PPA2: variants seen among roughly 807,000 people sequenced by gnomAD.
PPA2 encodes the protein inorganic pyrophosphatase 2, mitochondrial.
In PPA2, 48 loss-of-function variants were observed where a neutral mutation model predicts 49.5. The observed-to-expected ratio is 0.97, with a 90% CI of 0.77 to 1.23. The LOEUF (loss-of-function observed/expected upper bound fraction) is 1.23. Among genes scored for constraint, PPA2 ranks in the 50% most tolerant of loss-of-function variants. The probability of loss-of-function intolerance (pLI) is 0.00; values close to 1 mark genes in which losing one functional copy is unlikely to be tolerated. For missense variants in PPA2, 429 were observed against 410.1 expected (o/e 1.05, Z -0.40); for synonymous variants, 131 against 139.9 (o/e 0.94, Z 0.45).
intron 6 of PPA2, among the ~76,000 whole-genome samples, chr4:105,437,234 T>A (rs969966752): frequency 9.0e-5 from 13 of 144,482 alleles, no homozygotes; most frequent in Non-Finnish European, 1.8e-4. Context: ...TTAAACCACA[T>A]TGAAAGTTTT....
intron 2 of PPA2, 74 bp downstream of exon 2, chr4:105,456,607 G>A (rs1274746524): frequency 2.4e-6 from 3 of 1,260,192 alleles, no homozygotes; most frequent in African/African-American, 3.0e-5. Flanking sequence ...TTCCTTTCAA[G>A]GTGCTTCCAA....
intron 5 of PPA2, among the ~76,000 whole-genome samples, chr4:105,438,444 A>T (rs1471921518): frequency 6.6e-6 from 1 of 152,210 alleles, no homozygotes; most frequent in Non-Finnish European, 1.5e-5. Context: ...CGGTAACAGC[A>T]CATGGATCTA....
chr4:105,392,868 C>G (rs977368259), intron 9 of PPA2, among the ~76,000 whole-genome samples: 2 of 152,010 alleles, frequency 1.3e-5, no homozygotes, highest in African/African-American at 4.8e-5. Context: ...TAGTAACTGA[C>G]AGATGTAATG....
At chr4:105,394,585 T>C (rs1003556431) in intron 9 of PPA2, among the ~76,000 whole-genome samples, 1 of 152,136 alleles carries the variant, frequency 6.6e-6, no homozygotes, top group Non-Finnish European at 1.5e-5. Flanking sequence ...GAACATAGTA[T>C]AGAGTTAATA....
At chr4:105,386,054 T>A (rs557047429) in intron 10 of PPA2, among the ~76,000 whole-genome samples, 53 of 152,078 alleles carry the variant, frequency 3.5e-4, no homozygotes, top group Middle Eastern at 3.4e-3. Flanking sequence ...TAATTTTTTA[T>A]ATTTTTAGTA....
intron 3 of PPA2, among the ~76,000 whole-genome samples, chr4:105,450,887 G>A (rs543620870): frequency 6.6e-6 from 1 of 152,114 alleles, no homozygotes; most frequent in Admixed American, 6.5e-5. Flanking sequence ...GATTACAGGC[G>A]TGAGCCACCG....
At chr4:105,458,114 C>A (rs1368378892) in intron 1 of PPA2, among the ~76,000 whole-genome samples, 1 of 152,096 alleles carries the variant, frequency 6.6e-6, no homozygotes. Context: ...AACAAATATA[C>A]ATGAATCCAC....
chr4:105,398,096 T>C (rs1021202826), intron 8 of PPA2, among the ~76,000 whole-genome samples: 8 of 151,140 alleles, frequency 5.3e-5, no homozygotes, highest in African/African-American at 1.9e-4. Flanking sequence ...AAAAAAAAAC[T>C]ACCTCATTCT....
chr4:105,421,206 T>C (rs1275819701), intron 7 of PPA2, among the ~76,000 whole-genome samples: 2 of 152,160 alleles, frequency 1.3e-5, no homozygotes, highest in Non-Finnish European at 2.9e-5. Context: ...AGTTGATAAA[T>C]GTTTAAGAAT....
At chr4:105,446,122 AG>A in intron 5 of PPA2, 1 of 285,864 alleles carries the variant, frequency 3.5e-6, no homozygotes. Context: ...AGGCAAGACC[AG>A]AAAAAAAAAA....
intron 7 of PPA2, 22 bp from the exon 8 acceptor site, chr4:105,399,186 G>A: frequency 6.3e-7 from 1 of 1,578,552 alleles, no homozygotes; most frequent in Non-Finnish European, 8.5e-7. Flanking sequence ...AAAACAAAAA[G>A]ATGTTTTGTT....
Position 105,456,528 on chromosome 4 carries a change from T to C in PPA2, c.222+153A>G, listed in dbSNP as rs1230131527. ...AATCCTATTCTCATACAACTTTTAA[T>C]TCATATAGGAGGCTTATGACCCTGT... On this transcript the variant is annotated intron_variant, in intron 2 of 11. Coordinates refer to ENST00000341695, the MANE Select transcript of PPA2 (RefSeq NM_176869.3). 3 of 589,262 alleles carry C rather than the reference T, an allele frequency of 5.1e-6. No individual in the cohort carries two copies. In the Admixed American group the frequency reaches 9.9e-5, roughly 19 times the overall value. 36.5% of individuals were successfully genotyped at this position (589,262 alleles called of 1,614,324 possible). A position where few individuals can be genotyped will look rare whatever the true frequency, so the allele number is the denominator to read the frequency against.
intron 6 of PPA2, among the ~76,000 whole-genome samples, chr4:105,425,312 T>C (rs1286570228): frequency 6.6e-6 from 1 of 151,882 alleles, no homozygotes; most frequent in East Asian, 1.9e-4. Flanking sequence ...TCAAAACAAC[T>C]ACTGTAAATA....
chr4:105,426,269 G>A (rs1208876232), intron 6 of PPA2, among the ~76,000 whole-genome samples: 1 of 152,218 alleles, frequency 6.6e-6, no homozygotes, highest in Non-Finnish European at 1.5e-5. Context: ...TGAGATCGAT[G>A]CAGAAGACAG....
chr4:105,441,959 T>C (rs1202202305), intron 5 of PPA2, among the ~76,000 whole-genome samples: 6 of 151,876 alleles, frequency 4.0e-5, no homozygotes, highest in Non-Finnish European at 7.4e-5. Context: ...TAACCAGCAT[T>C]CCTATCACAA....
chr4:105,370,471 C>T, intron 11 of PPA2: 1 of 351,262 alleles, frequency 2.8e-6, no homozygotes, highest in Non-Finnish European at 4.0e-6. Context: ...TTAAGATCTT[C>T]AGCTAAAATA....
At chr4:105,369,857 G>A in intron 11 of PPA2, 104 bp from the exon 12 acceptor site, 1 of 1,042,658 alleles carries the variant, frequency 9.6e-7, no homozygotes. Flanking sequence ...TATTTAGGCA[G>A]ATACAAACAG....
At chr4:105,396,475 G>A (rs1734153839) in intron 8 of PPA2, 141 bp from the exon 9 acceptor site, 2 of 557,236 alleles carry the variant, frequency 3.6e-6, no homozygotes, top group South Asian at 7.2e-5. Flanking sequence ...ATAAATTCTG[G>A]CTTCCTTATT....
intron 1 of PPA2, chr4:105,473,586 G>A (rs762801018): frequency 5.0e-5 from 29 of 585,804 alleles, no homozygotes; most frequent in South Asian, 4.2e-4. Flanking sequence ...CGGGGTGGCC[G>A]CTTGCACTCT....
Sources: gnomAD v4.1 joint callset for allele counts (sites outside exome capture counted in the v4.1 genomes callset) on GRCh38, gnomAD v4.1.1 for gene constraint, MANE v1.5 for transcripts, NCBI Gene and HGNC (gene_info 2026-07-23, HGNC 2026-07-21) for gene names.